TENM3: variants seen among roughly 807,000 people sequenced by gnomAD.
TENM3 encodes teneurin-3.
TENM3 carries 63 observed loss-of-function variants against 255.1 expected under a neutral mutation model. The observed-to-expected ratio is 0.25, with a 90% CI of 0.20 to 0.30. The LOEUF is 0.30. Among genes scored for constraint, TENM3 ranks in the 10% least tolerant of loss-of-function variants. TENM3 has a pLI of 1.00. For missense variants in TENM3, 2,929 were observed against 3,461.1 expected (o/e 0.85, Z 3.86); for synonymous variants, 1,306 against 1,322.3 (o/e 0.99, Z 0.27).
chr4:182,761,538 ATTG>A (rs1196289201), intron 22 of TENM3, among the ~76,000 whole-genome samples: 2 of 152,110 alleles, frequency 1.3e-5, no homozygotes, highest in Non-Finnish European at 2.9e-5. Flanking sequence ...ACCTTGCATC[ATTG>A]TTATTTCTGC....
At chr4:182,076,213 C>CTTA in the TENM3 span, among the ~76,000 whole-genome samples, 1 of 126,370 alleles carries the variant, frequency 7.9e-6, no homozygotes, top group Admixed American at 8.1e-5. Flanking sequence ...TCTTCTTCTT[C>CTTA]TTTTTTTTTT....
At position 182,789,100 on chromosome 4, in the gene TENM3, G is replaced by A. The variant is rs2152824979; in HGVS notation, c.5312G>A (p.Gly1771Asp). The change falls in exon 25 of 28, where the codon GGC becomes GAC. Residue 1771 changes from glycine to aspartate, a missense_variant. Physicochemically the swap from Gly to Asp is moderately conservative, Grantham distance 94. Transcript: ENST00000511685. The surrounding 1 kb of genome is among the most constrained non-coding windows in gnomAD (Gnocchi z 4.4). ...TTGTTGGTGTTGTAACAGGTTAATG[G>A]CAGAAACCTCCTTTCAGTTGACTTT... is the stretch of plus-strand genomic sequence containing the variant. ...NVFGRKLRVN[G>D]RNLLSVDFDR... The A allele has an allele frequency of 6.2e-7, 1 of 1,605,528 alleles. No individual in the cohort carries two copies. The highest frequency in any genetic ancestry group is 8.5e-7 in the Non-Finnish European group (1 of 1,173,764).
At chr4:182,777,662 A>G (rs1211243628) in intron 24 of TENM3, among the ~76,000 whole-genome samples, 1 of 140,858 alleles carries the variant, frequency 7.1e-6, no homozygotes, top group Admixed American at 7.5e-5. Context: ...GGTTCAATCA[A>G]CTCTCATACC....
the TENM3 span, among the ~76,000 whole-genome samples, chr4:181,772,845 T>C: frequency 2.0e-5 from 3 of 152,114 alleles, no homozygotes; most frequent in Non-Finnish European, 2.9e-5. Context: ...GGTAATACAG[T>C]GGAAAATATC....
chr4:182,639,324 A>C (rs1464290789), intron 5 of TENM3, among the ~76,000 whole-genome samples: 1 of 152,216 alleles, frequency 6.6e-6, no homozygotes, highest in African/African-American at 2.4e-5. Context: ...AACCTTCGTA[A>C]ACCTGAATTT....
chr4:182,079,840 T>C, the TENM3 span: 1 of 152,224 alleles, frequency 6.6e-6, no homozygotes, highest in African/African-American at 2.4e-5. Context: ...ACCGGGAAGG[T>C]CTCAGTAAAG....
At chr4:182,350,871 G>GA (rs1765123468) in intron 3 of TENM3, among the ~76,000 whole-genome samples, 1 of 152,016 alleles carries the variant, frequency 6.6e-6, no homozygotes, top group East Asian at 1.9e-4. Context: ...TTTTAGTAGA[G>GA]ACGGGGTTTC....
At chr4:181,545,447 A>T in the TENM3 span, among the ~76,000 whole-genome samples, 25 of 152,282 alleles carry the variant, frequency 1.6e-4, no homozygotes, top group South Asian at 5.2e-3. Context: ...ATTAAAAATT[A>T]TTTGTCCTTA....
At chr4:182,003,976 C>G in the TENM3 span, among the ~76,000 whole-genome samples, 15 of 151,856 alleles carry the variant, frequency 9.9e-5, no homozygotes, top group African/African-American at 3.4e-4. Flanking sequence ...TATTCTCACT[C>G]TCTTAATGCC....
chr4:181,801,624 G>C, the TENM3 span, among the ~76,000 whole-genome samples: 1 of 131,532 alleles, frequency 7.6e-6, no homozygotes, highest in Non-Finnish European at 1.6e-5. Context: ...TTGTAAGCCT[G>C]GTTTTTACAT....
At chr4:182,475,317 A>T (rs866065511) in intron 3 of TENM3, among the ~76,000 whole-genome samples, 2 of 152,140 alleles carry the variant, frequency 1.3e-5, no homozygotes, top group African/African-American at 4.8e-5. Flanking sequence ...TATATCAGTG[A>T]TTATCAAATT....
chr4:182,074,566 G>A, the TENM3 span, among the ~76,000 whole-genome samples: 7 of 152,242 alleles, frequency 4.6e-5, no homozygotes, highest in East Asian at 9.6e-4. Context: ...CTCAAACTCC[G>A]CTGAAAAGCA....
At chr4:181,459,774 T>C in the TENM3 span, among the ~76,000 whole-genome samples, 1 of 151,984 alleles carries the variant, frequency 6.6e-6, no homozygotes, top group Non-Finnish European at 1.5e-5. Flanking sequence ...TTGCTTTTCC[T>C]TTGAAAATTA....
At chr4:181,990,360 T>G in the TENM3 span, among the ~76,000 whole-genome samples, 5 of 152,192 alleles carry the variant, frequency 3.3e-5, no homozygotes, top group Non-Finnish European at 7.3e-5. Context: ...ATTTGATACA[T>G]AATTCTTAGA....
At position 182,792,126 on chromosome 4, in the gene TENM3, C is replaced by T. The variant is rs138888099; in HGVS notation, c.5602-148C>T. ...CATCCAAGCAAATTAGGCAGAGAAA[C>T]GTTAACAACACGCAAGGTCAAGGAT... On this transcript the variant is annotated intron_variant, in intron 25 of 27. Transcript: ENST00000511685. The surrounding 1 kb of genome is among the most constrained non-coding windows in gnomAD (Gnocchi z 6.3). 137 of 775,194 alleles carry T rather than the reference C, an allele frequency of 1.8e-4. 1 individual carries two copies. The highest frequency in any genetic ancestry group is 9.2e-5 in the Non-Finnish European group (45 of 490,664). The allele number at this position is 775,194 out of a possible 1,614,324, so 48.0% of individuals were successfully genotyped here.
the TENM3 span, among the ~76,000 whole-genome samples, chr4:181,650,789 A>T: frequency 6.6e-6 from 1 of 152,232 alleles, no homozygotes; most frequent in African/African-American, 2.4e-5. Context: ...AATGCTGTTC[A>T]AGAGCAAATG....
At chr4:182,434,537 C>G (rs556008614) in intron 3 of TENM3, among the ~76,000 whole-genome samples, 1 of 151,886 alleles carries the variant, frequency 6.6e-6, no homozygotes, top group African/African-American at 2.4e-5. Context: ...ATGGTGGGCA[C>G]CTGTAGTCTC....
chr4:182,084,492 T>C, the TENM3 span, among the ~76,000 whole-genome samples: 33 of 152,226 alleles, frequency 2.2e-4, no homozygotes, highest in Admixed American at 2.2e-3. Context: ...TACAGATTTA[T>C]TTCTCAAGTT....
the TENM3 span, among the ~76,000 whole-genome samples, chr4:182,021,893 A>G: frequency 6.6e-6 from 1 of 152,230 alleles, no homozygotes; most frequent in Non-Finnish European, 1.5e-5. Context: ...AAAAAATAAC[A>G]TATACTGGCA....
Sources: allele counts gnomAD v4.1 joint callset (sites outside exome capture counted in the v4.1 genomes callset), GRCh38; gene constraint gnomAD v4.1.1; non-coding constraint Gnocchi (gnomAD v3.1); transcripts MANE v1.5; gene names NCBI Gene and HGNC (gene_info 2026-07-23, HGNC 2026-07-21).